Variants in KALRN observed in about 807,000 individuals in gnomAD.
The protein encoded by KALRN is kalirin.
In KALRN, 70 loss-of-function variants were observed where a neutral mutation model predicts 353.7. That is an observed-to-expected ratio of 0.20 (90% confidence interval 0.16 to 0.24). KALRN has a LOEUF of 0.24. Ranked by LOEUF, KALRN falls within the 10% of genes least tolerant of loss-of-function variation. The probability of loss-of-function intolerance (pLI) is 1.00; values close to 1 mark genes in which losing one functional copy is unlikely to be tolerated. For synonymous variants in KALRN, 1,391 were observed against 1,434.8 expected, an observed-to-expected ratio of 0.97 and a Z score of 0.69; for missense variants, 2,791 against 3,756.7, an observed-to-expected ratio of 0.74 and a Z score of 6.72.
At chr3:124,125,332 T>C (rs530608540) in intron 1 of KALRN, among the ~76,000 whole-genome samples, 3 of 152,346 alleles carry the variant, frequency 2.0e-5, no homozygotes, top group Admixed American at 2.0e-4. Context: ...AGTTTCCTGC[T>C]CTGTTCTTTC....
At chr3:124,524,213 A>G (rs1442551959) in intron 33 of KALRN, among the ~76,000 whole-genome samples, 1 of 152,178 alleles carries the variant, frequency 6.6e-6, no homozygotes, top group Non-Finnish European at 1.5e-5. Context: ...CTATGCTCAA[A>G]GAAAGCTAGT....
chr3:124,197,520 C>T (rs2075561741), intron 1 of KALRN, among the ~76,000 whole-genome samples: 1 of 152,224 alleles, frequency 6.6e-6, no homozygotes, highest in South Asian at 2.1e-4. Flanking sequence ...CAGCCTTGAT[C>T]CTTCTAGCTA....
intron 34 of KALRN, among the ~76,000 whole-genome samples, chr3:124,616,075 T>A (rs1234734409): frequency 6.6e-6 from 1 of 152,200 alleles, no homozygotes; most frequent in Non-Finnish European, 1.5e-5. Flanking sequence ...AAAAGGACAC[T>A]GCAAACAAGC....
At chr3:124,590,168 T>C (rs775374974) in intron 34 of KALRN, among the ~76,000 whole-genome samples, 35 of 152,320 alleles carry the variant, frequency 2.3e-4, no homozygotes, top group Non-Finnish European at 4.0e-4. Flanking sequence ...TGAATGGTGA[T>C]AGGTGTATCA....
rs996334106 is a variant in KALRN at position 124,201,839 on chromosome 3, G to A, written c.74-26151G>A. Among the ~76,000 whole-genome samples the A allele has an allele frequency of 3.3e-5, 5 of 152,224 alleles. 1 individual carries two copies. Among genetic ancestry groups the A allele is most frequent in the Admixed American group, 6.5e-5 (1 of 15,286 alleles). On this transcript the variant is annotated intron_variant, in intron 1 of 59. Transcript: ENST00000682506. ...AGCTAAGGGAGTGGTTCCTGTCTTG[G>A]GGGAGAAGTGGCTTTTACTTGGGCC...
chr3:124,665,793 C>G (rs1664308263), intron 45 of KALRN, among the ~76,000 whole-genome samples: 3 of 152,088 alleles, frequency 2.0e-5, no homozygotes. Context: ...ATCACAGAAC[C>G]CAGAAAAGTA....
chr3:124,297,480 C>T lies in KALRN; in HGVS notation c.970-1311C>T, dbSNP rs77670600. Among the ~76,000 whole-genome samples, 199 of 152,322 alleles carry T rather than the reference C, an allele frequency of 1.3e-3. 5 individuals carry two copies. In the East Asian group the frequency reaches 0.037, roughly 28 times the overall value. On this transcript the variant is annotated intron_variant, in intron 5 of 59. Coordinates refer to ENST00000682506, the MANE Select transcript of KALRN (RefSeq NM_001388419.1). The stretch of plus-strand genomic sequence containing the variant: ...ACTGAGCTGAGATGATGAGGAGCCT[C>T]GAGCTGTGGCACACTGGAAATGGTT...
chr3:124,356,809 ATCT>A (rs1177184505), intron 10 of KALRN, among the ~76,000 whole-genome samples: 1 of 151,820 alleles, frequency 6.6e-6, no homozygotes. Context: ...TGTTCCTCAG[ATCT>A]TCTCTTCTCA....
intron 5 of KALRN, among the ~76,000 whole-genome samples, chr3:124,289,139 G>C (rs1010273001): frequency 1.3e-4 from 20 of 152,186 alleles, no homozygotes; most frequent in African/African-American, 4.8e-4. Context: ...GCTAGCTCAG[G>C]TTCCTCTTCC....
At chr3:124,356,338 T>A (rs1330183214) in intron 10 of KALRN, among the ~76,000 whole-genome samples, 1 of 19,946 alleles carries the variant, frequency 5.0e-5, no homozygotes. Context: ...TCTTTTTCTT[T>A]TTTTTTTTTT....
At chr3:124,297,602 CTG>C (rs138046233) in intron 5 of KALRN, among the ~76,000 whole-genome samples, 31 of 152,344 alleles carry the variant, frequency 2.0e-4, no homozygotes, top group Non-Finnish European at 3.8e-4. Context: ...GGAAGAGAAA[CTG>C]TAAGGGACAT....
intron 53 of KALRN, 43 bp downstream of exon 53, chr3:124,694,546 T>G: frequency 6.3e-7 from 1 of 1,587,042 alleles, no homozygotes; most frequent in Non-Finnish European, 8.6e-7. Flanking sequence ...GCCCCTTGCT[T>G]GACACAGCAC....
chr3:124,663,390 G>T (rs1348914868), intron 45 of KALRN, among the ~76,000 whole-genome samples: 3 of 152,194 alleles, frequency 2.0e-5, no homozygotes, highest in Non-Finnish European at 2.9e-5. Flanking sequence ...TAGGGGCTAG[G>T]ACTTCAACAT....
chr3:124,308,508 CAGAA>C (rs969325221), intron 6 of KALRN, among the ~76,000 whole-genome samples: 1 of 151,688 alleles, frequency 6.6e-6, no homozygotes, highest in African/African-American at 2.4e-5. Context: ...AAATCGGTAA[CAGAA>C]AGAATTTCAG....
Position 124,562,987 on chromosome 3 carries a change from G to A in KALRN, c.5080G>A (p.Glu1694Lys), listed in dbSNP as rs368604430. 1.4e-5 allele frequency: 19 copies of A among 1,367,802 alleles called. No individual in the cohort carries two copies. Among genetic ancestry groups the A allele is most frequent in the East Asian group, 4.5e-5 (1 of 22,002 alleles). The allele number at this position is 1,367,802 out of a possible 1,614,324, so 84.7% of individuals were successfully genotyped here. Residue 1694 changes from glutamate to lysine, a missense_variant, in exon 34 of 60, where the codon GAA becomes AAA. Around this residue, in one of 11 missense-constraint regions of KALRN, gnomAD observed 239 missense variants for 351.3 expected, o/e 0.68. Transcript: ENST00000682506. Reference protein sequence around the residue: ...RPGWCLVRTTERSPPLEGLVP... With the variant: ...RPGWCLVRTTKRSPPLEGLVP... ...TGGTTGGTGTCTGGTCCGTACCACC[G>A]AACGGAGCCCGCCCTTGGAGGGTCT... is the stretch of plus-strand genomic sequence containing the variant.
chr3:124,604,754 A>G (rs1397955512), intron 34 of KALRN, among the ~76,000 whole-genome samples: 4 of 151,888 alleles, frequency 2.6e-5, no homozygotes, highest in Non-Finnish European at 4.4e-5. Context: ...TGGTACGATC[A>G]TAGCTCACTG....
At chr3:124,392,998 C>T (rs575447158) in intron 11 of KALRN, among the ~76,000 whole-genome samples, 1 of 140,424 alleles carries the variant, frequency 7.1e-6, no homozygotes, top group African/African-American at 2.7e-5. Flanking sequence ...CAGAGTCTTG[C>T]TCTGTTCCCC....
chr3:124,460,289 G>A (rs1434440883), intron 23 of KALRN, among the ~76,000 whole-genome samples: 1 of 152,116 alleles, frequency 6.6e-6, no homozygotes, highest in Non-Finnish European at 1.5e-5. Context: ...GGGGATGAGG[G>A]GACTATACCT....
At chr3:124,037,958 T>C (rs76468795) in intron 1 of KALRN, among the ~76,000 whole-genome samples, 1 of 152,004 alleles carries the variant, frequency 6.6e-6, no homozygotes, top group Non-Finnish European at 1.5e-5. Flanking sequence ...TGGAGTTGTT[T>C]TGTCAGCAGT....
Sources: allele counts gnomAD v4.1 joint callset (sites outside exome capture counted in the v4.1 genomes callset), GRCh38; gene constraint gnomAD v4.1.1; regional missense constraint gnomAD v4.1.1; transcripts MANE v1.5; gene names NCBI Gene and HGNC (gene_info 2026-07-23, HGNC 2026-07-21).